The following FUT8 variants were observed in gnomAD, a reference collection of about 807,000 sequenced individuals.
FUT8 encodes alpha-(1,6)-fucosyltransferase.
In FUT8, 29 loss-of-function variants were observed where a neutral mutation model predicts 71.3. That is an observed-to-expected ratio of 0.41 (90% CI 0.30 to 0.55). FUT8 has a LOEUF of 0.55. Among genes scored for constraint, FUT8 ranks in the 20% least tolerant of loss-of-function variants. The pLI is 0.34. For synonymous variants in FUT8, 254 were observed against 239.3 expected, an observed-to-expected ratio of 1.06 and a Z score of -0.57; for missense variants, 544 against 702.1, an observed-to-expected ratio of 0.77 and a Z score of 2.55.
intron 3 of FUT8, among the ~76,000 whole-genome samples, chr14:65,595,347 T>C (rs1887908129): frequency 6.6e-6 from 1 of 152,152 alleles, no homozygotes; most frequent in African/African-American, 2.4e-5. Context: ...ACTATTTTAA[T>C]ATGAACTAAA....
chr14:65,547,674 A>AT (rs745335893), intron 2 of FUT8, among the ~76,000 whole-genome samples: 22 of 151,622 alleles, frequency 1.5e-4, no homozygotes, highest in Non-Finnish European at 2.7e-4. Context: ...AGTTCTTTCC[A>AT]TTTTTTTGTT....
chr14:65,667,619 A>G (rs958425715), intron 6 of FUT8, among the ~76,000 whole-genome samples: 4 of 152,208 alleles, frequency 2.6e-5, no homozygotes, highest in Non-Finnish European at 5.9e-5. Flanking sequence ...TACAGATTCT[A>G]TGCTATTCCC....
chr14:65,538,969 A>G lies in FUT8; in HGVS notation c.-227-22368A>G, dbSNP rs535975199. Among the ~76,000 whole-genome samples the G allele has an allele frequency of 1.2e-4, 18 of 152,256 alleles. No individual in the cohort carries two copies. In the South Asian group the frequency reaches 2.1e-3, roughly 18 times the overall value. Reference sequence around the variant, plus strand: ...AACACAAAAAAAACGCTGCTTCTAGATAAATCCATTGAGTTTGGTGTAGCA... The same window carrying G: ...AACACAAAAAAAACGCTGCTTCTAGGTAAATCCATTGAGTTTGGTGTAGCA... On this transcript the variant is annotated intron_variant, in intron 2 of 10. Coordinates refer to ENST00000673929, the MANE Select transcript of FUT8 (RefSeq NM_001371533.1).
chr14:65,485,779 C>T (rs1159664145), intron 2 of FUT8, among the ~76,000 whole-genome samples: 3 of 152,180 alleles, frequency 2.0e-5, no homozygotes, highest in African/African-American at 7.2e-5. Context: ...TCTGTTTCAT[C>T]AACTCAAGTT....
At chr14:65,739,745 G>T (rs966445884) in intron 10 of FUT8, among the ~76,000 whole-genome samples, 2 of 152,010 alleles carry the variant, frequency 1.3e-5, no homozygotes, top group African/African-American at 4.8e-5. Flanking sequence ...TGGAGAATAA[G>T]ATTTACAAGA....
intron 2 of FUT8, among the ~76,000 whole-genome samples, chr14:65,465,351 T>C (rs1418727610): frequency 6.6e-6 from 1 of 152,220 alleles, no homozygotes; most frequent in Non-Finnish European, 1.5e-5. Context: ...TACTTACTTA[T>C]TTATGAAATG....
At chr14:65,568,058 C>T (rs768226455) in intron 3 of FUT8, among the ~76,000 whole-genome samples, 15 of 151,544 alleles carry the variant, frequency 9.9e-5, no homozygotes, top group Non-Finnish European at 1.6e-4. Context: ...GGAAGGAGAA[C>T]ATATGGGAAG....
In FUT8 at chr14:65,480,852, A is replaced by AT. The variant is rs951114945; in HGVS notation, c.-228+25143dup. Among the ~76,000 whole-genome samples, 8 of 150,810 alleles carry AT rather than the reference A, an allele frequency of 5.3e-5. No homozygotes were observed. The East Asian group carries it at 7.8e-4, about 15-fold the overall frequency. The stretch of plus-strand genomic sequence containing the variant: ...CAGGCGTGTACCACCACACTGGCTA[A>AT]TTTTTTTTTGTATTTTTAGTAGAGA... On this transcript the variant is annotated intron_variant, in intron 2 of 10. Coordinates refer to ENST00000673929, the MANE Select transcript of FUT8 (RefSeq NM_001371533.1).
At chr14:65,418,561 G>T (rs1383591038) in intron 1 of FUT8, among the ~76,000 whole-genome samples, 1 of 152,164 alleles carries the variant, frequency 6.6e-6, no homozygotes. Flanking sequence ...TAGTGGTAAA[G>T]TGGACAGATA....
chr14:65,535,134 C>T (rs909654394), intron 2 of FUT8, among the ~76,000 whole-genome samples: 8 of 151,294 alleles, frequency 5.3e-5, no homozygotes, highest in Non-Finnish European at 1.2e-4. Context: ...CAGTCTCGCT[C>T]TGTTGCCCAG....
At chr14:65,477,055 T>A (rs1226344802) in intron 2 of FUT8, among the ~76,000 whole-genome samples, 1 of 152,204 alleles carries the variant, frequency 6.6e-6, no homozygotes, top group Non-Finnish European at 1.5e-5. Context: ...TTTTTGGCAC[T>A]CTTGAAGATT....
At chr14:65,394,750 C>CTTTT in the FUT8 span, among the ~76,000 whole-genome samples, 49 of 132,548 alleles carry the variant, frequency 3.7e-4, 2 homozygotes, top group Admixed American at 5.5e-4. Flanking sequence ...GCAGTCAAAT[C>CTTTT]TTTTTTTTTT....
At position 65,609,695 on chromosome 14, in the gene FUT8, T is replaced by A. The variant is rs972402761; in HGVS notation, c.204-6283T>A. Reference sequence around the variant, plus strand: ...CTTTAAAAACTTTTTTTAAATTTTTTAAATTTTTGTTCATTCATTCATTCA... The same window carrying A: ...CTTTAAAAACTTTTTTTAAATTTTTAAAATTTTTGTTCATTCATTCATTCA... On this transcript the variant is annotated intron_variant, in intron 3 of 10. Transcript: ENST00000673929. Among the ~76,000 whole-genome samples, 6 of 151,926 alleles carry A rather than the reference T, an allele frequency of 3.9e-5. 1 individual carries two copies. The highest frequency in any genetic ancestry group is 1.2e-4 in the African/African-American group (5 of 41,416).
chr14:65,507,713 T>A (rs1344077294), intron 2 of FUT8, among the ~76,000 whole-genome samples: 1 of 152,250 alleles, frequency 6.6e-6, no homozygotes, highest in Non-Finnish European at 1.5e-5. Flanking sequence ...TAATGGACAC[T>A]TAGCTTGCTT....
At chr14:65,481,696 T>TTA (rs1395105108) in intron 2 of FUT8, among the ~76,000 whole-genome samples, 1 of 152,206 alleles carries the variant, frequency 6.6e-6, no homozygotes, top group Non-Finnish European at 1.5e-5. Flanking sequence ...AGTTTTTTTT[T>TTA]AAAATGGAAC....
intron 9 of FUT8, among the ~76,000 whole-genome samples, chr14:65,726,706 T>G (rs557439865): frequency 8.5e-5 from 13 of 152,246 alleles, no homozygotes; most frequent in Admixed American, 7.2e-4. Context: ...GTCTTCACAT[T>G]TCAAAACCAG....
intron 7 of FUT8, among the ~76,000 whole-genome samples, chr14:65,696,951 G>A (rs1239083465): frequency 6.6e-6 from 1 of 151,730 alleles, no homozygotes; most frequent in Non-Finnish European, 1.5e-5. Context: ...ATCTATTCTT[G>A]CATGTTGTCC....
At chr14:65,680,911 C>G (rs1893005174) in intron 7 of FUT8, among the ~76,000 whole-genome samples, 1 of 152,188 alleles carries the variant, frequency 6.6e-6, no homozygotes, top group Non-Finnish European at 1.5e-5. Context: ...ATGTGCCCTG[C>G]ACTCCATAAT....
At chr14:65,697,264 G>A (rs929511429) in intron 7 of FUT8, among the ~76,000 whole-genome samples, 3 of 152,122 alleles carry the variant, frequency 2.0e-5, no homozygotes, top group Admixed American at 2.0e-4. Context: ...TAGTGTCCTT[G>A]TTTTTGTCTC....
Sources: allele counts gnomAD v4.1 joint callset (sites outside exome capture counted in the v4.1 genomes callset), GRCh38; gene constraint gnomAD v4.1.1; transcripts MANE v1.5; gene names NCBI Gene and HGNC (gene_info 2026-07-23, HGNC 2026-07-21).